EDRF1: variants seen among roughly 807,000 people sequenced by gnomAD.
EDRF1 encodes the protein erythroid differentiation regulatory factor 1.
EDRF1 carries 69 observed loss-of-function variants against 148.7 expected under a neutral mutation model. That is an observed-to-expected ratio of 0.46 (90% CI 0.38 to 0.57). The LOEUF (loss-of-function observed/expected upper bound fraction) is 0.57, where lower values mean the gene tolerates loss of function less well. EDRF1 is among the 20% of genes least tolerant of loss of function. The pLI, the probability that EDRF1 is intolerant of heterozygous loss-of-function variation, is 0.00. For synonymous variants in EDRF1, 515 were observed against 532.8 expected, an observed-to-expected ratio of 0.97 and a Z score of 0.46; for missense variants, 1,118 against 1,478.7, an observed-to-expected ratio of 0.76 and a Z score of 4.00.
rs1488804372 is a variant in EDRF1 at position 125,734,149 on chromosome 10, G to A, written c.1463G>A (p.Cys488Tyr). ...ACTATTAGAACATTGCTTCTTAATT[G>A]TCTGAAATTACTGGACAAAAGTAGG... ...YGTIRTLLLNCLKLLDKSRHP... is the reference protein window; with the variant it reads ...YGTIRTLLLNYLKLLDKSRHP... Residue 488 changes from cysteine (C) to tyrosine (Y), a missense_variant, in exon 12 of 25, where the codon TGT becomes TAT. Coordinates refer to ENST00000356792, the MANE Select transcript of EDRF1 (RefSeq NM_001202438.2). 2.5e-6 allele frequency: 4 copies of A among 1,612,814 alleles called. No homozygotes were observed. The highest frequency in any genetic ancestry group is 3.4e-6 in the Non-Finnish European group (4 of 1,179,106).
intron 19 of EDRF1, 126 bp downstream of exon 19, chr10:125,746,056 A>G: frequency 1.2e-6 from 1 of 835,026 alleles, no homozygotes; most frequent in Non-Finnish European, 2.0e-6. Context: ...ACAACACCAG[A>G]CAGATCGTGA....
rs772127323 is a variant in EDRF1 at position 125,742,616 on chromosome 10, A to G, written c.2372-442A>G. The G allele has an allele frequency of 1.7e-4, 164 of 985,116 alleles. 1 individual carries two copies. The highest frequency in any genetic ancestry group is 1.8e-4 in the Non-Finnish European group (151 of 829,880). 61.0% of individuals were successfully genotyped at this position (985,116 alleles called of 1,614,324 possible). A position where few individuals can be genotyped will look rare whatever the true frequency, so the allele number is the denominator to read the frequency against. On this transcript the variant is annotated intron_variant, in intron 17 of 24. Transcript: ENST00000356792. ...GCAATTTCAGTTAAATATTCTTTTT[A>G]CTCTAGTCCCCACTAGATGGCATTT...
chr10:125,749,376 G>A (rs369306310), intron 21 of EDRF1, 36 bp from the exon 22 acceptor site: 44 of 1,613,820 alleles, frequency 2.7e-5, no homozygotes, highest in African/African-American at 1.2e-4. Flanking sequence ...AGTAGTTACC[G>A]TGAAGGATTT....
chr10:125,743,125 T>C lies in EDRF1; in HGVS notation c.2439T>C (p.Tyr813=). 2 of 1,613,974 alleles carry C rather than the reference T, an allele frequency of 1.2e-6. No homozygotes were observed. Among genetic ancestry groups the C allele is most frequent in the South Asian group, 2.2e-5 (2 of 91,080 alleles). Residue 813 remains tyrosine, a synonymous_variant, in exon 18 of 25, where the codon TAT becomes TAC. Transcript: ENST00000356792. ...AACTCTCTGTTAGTTGTAAATGTTATGAGGCTGCTAATGAAATCTTGCAGT... is the reference window on the plus strand; with the variant it reads ...AACTCTCTGTTAGTTGTAAATGTTACGAGGCTGCTAATGAAATCTTGCAGT... The part of the protein sequence containing the change: ...ESQLSVSCKC[Y]EAANEILQFS...
intron 16 of EDRF1, 94 bp from the exon 17 acceptor site, chr10:125,740,907 C>A: frequency 7.6e-7 from 1 of 1,313,038 alleles, no homozygotes; most frequent in Non-Finnish European, 1.1e-6. Context: ...TGCTACAAAG[C>A]GTTCAGCTGG....
In EDRF1 at chr10:125,723,791, T is replaced by G. The variant is rs757206079; in HGVS notation, c.385-20T>G. On this transcript the variant is annotated intron_variant, in intron 3 of 24. Coordinates refer to ENST00000356792, the MANE Select transcript of EDRF1 (RefSeq NM_001202438.2). ...ACTAAAACAGTCTTTCTAAACTATTTTTTCTCTTAATTTTTTAAGAACATA... is the reference window on the plus strand; with the variant it reads ...ACTAAAACAGTCTTTCTAAACTATTGTTTCTCTTAATTTTTTAAGAACATA... 2 of 1,608,546 alleles carry G rather than the reference T, an allele frequency of 1.2e-6. No homozygotes were observed. The highest frequency in any genetic ancestry group is 1.7e-6 in the Non-Finnish European group (2 of 1,175,534).
rs369158097 is a variant in EDRF1, at chr10:125,738,274, A to G, written c.1831-21A>G. 435 of 1,613,950 alleles carry G rather than the reference A, an allele frequency of 2.7e-4. 2 individuals are homozygous for G. The highest frequency in any genetic ancestry group is 3.6e-4 in the Non-Finnish European group (420 of 1,179,944). ...TGACCTGAAGTTAGATAGATAGTGA[A>G]TGCTTTTCCTTTTTTTGCAGGGTTT... On this transcript the variant is annotated intron_variant, in intron 14 of 24. Transcript: ENST00000356792.
chr10:125,733,778 C>T (rs1349555696), intron 11 of EDRF1, 35 bp downstream of exon 11: 3 of 1,553,854 alleles, frequency 1.9e-6, no homozygotes, highest in African/African-American at 1.4e-5. Flanking sequence ...GAAGAAGTAG[C>T]CTATTATATA....
At chr10:125,756,570 C>T (rs2133763032) in intron 24 of EDRF1, among the ~76,000 whole-genome samples, 1 of 152,294 alleles carries the variant, frequency 6.6e-6, no homozygotes, top group Non-Finnish European at 1.5e-5. Flanking sequence ...ATCTGTTTCT[C>T]CTCTCAGCAC....
intron 18 of EDRF1, among the ~76,000 whole-genome samples, chr10:125,743,506 C>T (rs994172495): frequency 1.3e-5 from 2 of 152,162 alleles, no homozygotes; most frequent in Admixed American, 6.6e-5. Context: ...TCCATCTGAT[C>T]AATTCAGAAG....
At chr10:125,725,268 T>G in intron 4 of EDRF1, 50 bp from the exon 5 acceptor site, 1 of 1,610,410 alleles carries the variant, frequency 6.2e-7, no homozygotes, top group South Asian at 1.1e-5. Flanking sequence ...TAGGTAACAT[T>G]GTTTCGACTA....
rs562340074 is a variant in EDRF1, at chr10:125,740,354, T to G, written c.1982-109T>G. On this transcript the variant is annotated intron_variant, in intron 15 of 24. Coordinates refer to ENST00000356792, the MANE Select transcript of EDRF1 (RefSeq NM_001202438.2). ...AGTAAAGCATAGTATTTACCAGTCT[T>G]GTCACCTAAGTCTAGAGTGTTTCCA... is the stretch of plus-strand genomic sequence containing the variant. The G allele has an allele frequency of 5.3e-6, 6 of 1,126,032 alleles. No individual in the cohort carries two copies. The East Asian group carries it at 1.5e-4, about 29-fold the overall frequency. The allele number at this position is 1,126,032 out of a possible 1,614,324, so 69.8% of individuals were successfully genotyped here. A position where few individuals can be genotyped will look rare whatever the true frequency, so the allele number is the denominator to read the frequency against.
chr10:125,722,074 G>C (rs1427352739), intron 2 of EDRF1, among the ~76,000 whole-genome samples: 1 of 152,114 alleles, frequency 6.6e-6, no homozygotes, highest in African/African-American at 2.4e-5. Context: ...CTGGTATTTT[G>C]GAAATTATCC....
intron 14 of EDRF1, 88 bp from the exon 15 acceptor site, chr10:125,738,207 G>A (rs1226869172): frequency 1.8e-5 from 28 of 1,524,082 alleles, no homozygotes; most frequent in Middle Eastern, 1.9e-4. Context: ...TTTCCTAAAC[G>A]TATTCAGTAG....
intron 18 of EDRF1, among the ~76,000 whole-genome samples, chr10:125,743,604 A>G (rs542761601): frequency 2.0e-5 from 3 of 152,354 alleles, no homozygotes; most frequent in African/African-American, 4.8e-5. Flanking sequence ...GGGAAGCTAG[A>G]TAGGAACACA....
At chr10:125,752,694 T>A (rs1359995497) in intron 22 of EDRF1, 105 bp from the exon 23 acceptor site, 2 of 741,744 alleles carry the variant, frequency 2.7e-6, no homozygotes, top group Non-Finnish European at 4.6e-6. Flanking sequence ...CTCATTAGCT[T>A]CCTTTATAGC....
chr10:125,738,123 G>A, intron 14 of EDRF1, 134 bp downstream of exon 14: 1 of 1,342,572 alleles, frequency 7.4e-7, no homozygotes, highest in East Asian at 2.3e-5. Flanking sequence ...AGCATAAAGT[G>A]AAAATCAGAT....
intron 24 of EDRF1, among the ~76,000 whole-genome samples, chr10:125,757,992 T>C (rs1258234432): frequency 1.3e-5 from 2 of 152,264 alleles, no homozygotes; most frequent in Non-Finnish European, 2.9e-5. Context: ...TTTGATGTTA[T>C]TCCACAGCTC....
Position 125,747,915 on chromosome 10 carries a change from T to G in EDRF1, c.3026T>G (p.Val1009Gly). 6.2e-7 allele frequency: 1 copy of G among 1,614,196 alleles called. No individual in the cohort carries two copies. Among genetic ancestry groups the G allele is most frequent in the Non-Finnish European group, 8.5e-7 (1 of 1,180,020 alleles). ...AMMKSLKYCD[V>G]DSVSARQPLC... ...ATGAAGTCCCTAAAATACTGCGATGTGGATTCAGTGTCTGCTCGACAGCCC... is the reference window on the plus strand; with the variant it reads ...ATGAAGTCCCTAAAATACTGCGATGGGGATTCAGTGTCTGCTCGACAGCCC... The change falls in exon 21 of 25, where the codon GTG becomes GGG. Residue 1009 changes from valine (V) to glycine (G), a missense_variant. Physicochemically the swap from Val to Gly is moderately radical, Grantham distance 109. This residue lies in a region of EDRF1 where 954 missense variants were observed against 1,241.4 expected (regional missense o/e 0.77). Coordinates refer to ENST00000356792, the MANE Select transcript of EDRF1 (RefSeq NM_001202438.2).
Sources: gnomAD v4.1 joint callset for allele counts (sites outside exome capture counted in the v4.1 genomes callset) on GRCh38, gnomAD v4.1.1 for gene constraint, gnomAD v4.1.1 regional missense constraint, MANE v1.5 for transcripts, NCBI Gene and HGNC (gene_info 2026-07-23, HGNC 2026-07-21) for gene names.